HDC: variants seen among roughly 807,000 people sequenced by gnomAD.
HDC encodes the protein histidine decarboxylase.
HDC carries 27 observed loss-of-function variants against 64.4 expected under a neutral mutation model. The observed-to-expected ratio is 0.42, with a 90% CI of 0.31 to 0.58. The LOEUF is 0.58. Ranked by LOEUF, HDC falls within the 20% of genes least tolerant of loss-of-function variation. The pLI is 0.16. For synonymous variants in HDC, 305 were observed against 314.2 expected (o/e 0.97, Z 0.31); for missense variants, 711 against 833.9 (o/e 0.85, Z 1.81).
intron 9 of HDC, among the ~76,000 whole-genome samples, chr15:50,250,403 G>A (rs1208280771): frequency 6.6e-6 from 1 of 152,174 alleles, no homozygotes; most frequent in South Asian, 2.1e-4. Context: ...TAAGTGTAAG[G>A]CAGTGCCTTC....
intron 9 of HDC, among the ~76,000 whole-genome samples, chr15:50,252,108 C>T (rs899328974): frequency 6.6e-6 from 1 of 152,106 alleles, no homozygotes; most frequent in Non-Finnish European, 1.5e-5. Flanking sequence ...AAAAGATGAC[C>T]CGAGATGGAG....
chr15:50,249,167 G>A (rs901968766), intron 9 of HDC, among the ~76,000 whole-genome samples: 1 of 152,124 alleles, frequency 6.6e-6, no homozygotes, highest in African/African-American at 2.4e-5. Context: ...TTTGCTCCTG[G>A]TGGCCAAATT....
At chr15:50,262,623 T>G (rs1446147121) in intron 2 of HDC, among the ~76,000 whole-genome samples, 2 of 152,166 alleles carry the variant, frequency 1.3e-5, no homozygotes, top group Non-Finnish European at 2.9e-5. Context: ...TCATGGAAAG[T>G]ATCAATGATT....
Position 50,254,551 on chromosome 15 carries a change from G to A in HDC, c.555C>T (p.Leu185=), listed in dbSNP as rs777722897. 2.2e-5 allele frequency: 36 copies of A among 1,614,126 alleles called. No individual in the cohort carries two copies. The highest frequency in any genetic ancestry group is 2.9e-5 in the Non-Finnish European group (34 of 1,180,062). ...DADESCLNAR[L]VAYASDQAHS... ...TCACCTGGTCAGAGGCATAGGCCACGAGTCGGGCATTTAGGCAGGACTCAT... is the reference window on the plus strand; with the variant it reads ...TCACCTGGTCAGAGGCATAGGCCACAAGTCGGGCATTTAGGCAGGACTCAT... The change falls in exon 5 of 12, where the codon CTC becomes CTT. Residue 185 remains leucine, a synonymous_variant. Coordinates refer to ENST00000267845, the MANE Select transcript of HDC (RefSeq NM_002112.4).
At chr15:50,261,103 C>G (rs896484258) in intron 2 of HDC, among the ~76,000 whole-genome samples, 2 of 152,022 alleles carry the variant, frequency 1.3e-5, no homozygotes, top group Middle Eastern at 3.4e-3. Flanking sequence ...TTTGGAAACC[C>G]CAGAGAAGGG....
chr15:50,263,438 A>C (rs756198273), intron 1 of HDC, 31 bp from the exon 2 acceptor site: 1 of 1,608,766 alleles, frequency 6.2e-7, no homozygotes, highest in South Asian at 1.1e-5. Flanking sequence ...TCAGGCTGAA[A>C]TCCCCTGACT....
chr15:50,250,716 C>T (rs950917764), intron 9 of HDC, among the ~76,000 whole-genome samples: 4 of 152,192 alleles, frequency 2.6e-5, no homozygotes, highest in Non-Finnish European at 5.9e-5. Flanking sequence ...ATATCTGACC[C>T]TTGGGCTGTT....
Position 50,250,419 on chromosome 15 carries a change from G to A in HDC, c.1041+2011C>T, listed in dbSNP as rs545009791. 4.6e-5 allele frequency among the ~76,000 whole-genome samples: 7 copies of A among 152,256 alleles called. No homozygotes were observed. The South Asian group carries it at 1.5e-3, about 32-fold the overall frequency. On this transcript the variant is annotated intron_variant, in intron 9 of 11. Coordinates refer to ENST00000267845, the MANE Select transcript of HDC (RefSeq NM_002112.4). ...AAGTGTAAGGCAGTGCCTTCTGGGT[G>A]GAGAGGTAAAAATAATAAGGTTCCC...
Position 50,257,450 on chromosome 15 carries a change from C to A in HDC, c.416G>T (p.Ser139Ile). The A allele has an allele frequency of 6.2e-7, 1 of 1,614,234 alleles. No homozygotes were observed. Residue 139 changes from serine to isoleucine, a missense_variant, in exon 4 of 12, where the codon AGC (serine) becomes ATC (isoleucine). Around this residue, in one of 3 missense-constraint regions of HDC, gnomAD observed 225 missense variants for 276.2 expected, o/e 0.81. Transcript: ENST00000267845. ...LPEHFLHHHP[S>I]SQGGGVLQST... ...CTGCAGGACGCCTCCGCCCTGGCTGCTGGGGTGGTGGTGCAAGAAGTGCTC... is the reference window on the plus strand; with the variant it reads ...CTGCAGGACGCCTCCGCCCTGGCTGATGGGGTGGTGGTGCAAGAAGTGCTC...
intron 10 of HDC, among the ~76,000 whole-genome samples, chr15:50,247,080 T>G (rs996296801): frequency 2.6e-5 from 4 of 152,148 alleles, no homozygotes; most frequent in African/African-American, 9.7e-5. Flanking sequence ...AGAATGATGG[T>G]TGGCAGAGGC....
At chr15:50,250,199 G>A (rs2045536305) in intron 9 of HDC, among the ~76,000 whole-genome samples, 1 of 152,226 alleles carries the variant, frequency 6.6e-6, no homozygotes. Flanking sequence ...ATGCTGCCCT[G>A]TTTCTGGCTC....
intron 10 of HDC, among the ~76,000 whole-genome samples, chr15:50,244,210 GC>G (rs1241365343): frequency 6.6e-6 from 1 of 150,410 alleles, no homozygotes; most frequent in Non-Finnish European, 1.5e-5. Flanking sequence ...TAAAATATTT[GC>G]TAAGTAATTC....
At chr15:50,253,887 A>C in intron 6 of HDC, 1 of 640,724 alleles carries the variant, frequency 1.6e-6, no homozygotes, top group East Asian at 2.7e-5. Context: ...ATAAAACAAT[A>C]CATACTCTGG....
chr15:50,242,189 T>G lies in HDC; in HGVS notation c.*71A>C. The G allele has an allele frequency of 7.9e-7, 1 of 1,264,404 alleles. No homozygotes were observed. Among genetic ancestry groups the G allele is most frequent in the South Asian group, 1.2e-5 (1 of 83,766 alleles). 78.3% of individuals were successfully genotyped at this position (1,264,404 alleles called of 1,614,324 possible). A position where few individuals can be genotyped will look rare whatever the true frequency, so the allele number is the denominator to read the frequency against. On this transcript the variant is annotated 3_prime_UTR_variant, in exon 12 of 12. Transcript: ENST00000267845. ...GCATGTACACATAAGCACACAAAGT[T>G]GGCATACAATTGTGAGGGGTTCACA...
At position 50,254,584 on chromosome 15, in the gene HDC, G is replaced by A. The variant is rs199889175; in HGVS notation, c.522C>T (p.Pro174=). ...CATTTAGGCAGGACTCATCAGCATC[G>A]GGCTCAGACGTTTTCATTTCCAGGA... The part of the protein sequence containing the change: ...NKILEMKTSE[P]DADESCLNAR... The change falls in exon 5 of 12, where the codon CCC becomes CCT. Residue 174 remains proline (P), a synonymous_variant. Transcript: ENST00000267845. The A allele has an allele frequency of 5.0e-4, 812 of 1,614,054 alleles. No homozygotes were observed. Among genetic ancestry groups the A allele is most frequent in the South Asian group, 7.8e-4 (71 of 91,086 alleles).
At chr15:50,254,021 G>A in intron 6 of HDC, 109 bp downstream of exon 6, 1 of 1,142,314 alleles carries the variant, frequency 8.8e-7, no homozygotes, top group Non-Finnish European at 1.3e-6. Flanking sequence ...CTGTATGGGA[G>A]GACCTTTCTG....
In HDC at chr15:50,242,827, G is replaced by C. The variant is rs2045418978; in HGVS notation, c.1422C>G (p.Ile474Met). 2 of 1,613,964 alleles carry C rather than the reference G, an allele frequency of 1.2e-6. No homozygotes were observed. The highest frequency in any genetic ancestry group is 2.7e-5 in the African/African-American group (2 of 75,036). The change falls in exon 12 of 12, where the codon ATC becomes ATG. Residue 474 changes from isoleucine (I) to methionine (M), a missense_variant. By Grantham distance (10) the Ile-to-Met change is conservative. This residue lies in a region of HDC where 483 missense variants were observed against 540.9 expected (regional missense o/e 0.89). Transcript: ENST00000267845. ...WNLIRDAATLILSQHCTSQPS... is the reference protein window; with the variant it reads ...WNLIRDAATLMLSQHCTSQPS... Reference sequence around the variant, plus strand: ...GTTGGGAAGTACAGTGCTGACTCAGGATGAGAGTGGCAGCATCTCGAATGA... The same window carrying C: ...GTTGGGAAGTACAGTGCTGACTCAGCATGAGAGTGGCAGCATCTCGAATGA...
At chr15:50,253,046 G>T (rs973733719) in intron 7 of HDC, 3 of 524,732 alleles carry the variant, frequency 5.7e-6, no homozygotes, top group African/African-American at 1.9e-5. Flanking sequence ...CCTCAGCCTA[G>T]AACATCCTGG....
In HDC at chr15:50,242,883, T is replaced by C. The variant is rs1383214831; in HGVS notation, c.1366A>G (p.Thr456Ala). 6 of 1,614,088 alleles carry C rather than the reference T, an allele frequency of 3.7e-6. No homozygotes were observed. In the South Asian group the frequency reaches 5.5e-5, roughly 15 times the overall value. Residue 456 changes from threonine to alanine, a missense_variant, in exon 12 of 12, where the codon ACT becomes GCT. By Grantham distance (58) the Thr-to-Ala change is moderately conservative. This residue lies in a region of HDC where 483 missense variants were observed against 540.9 expected (regional missense o/e 0.89). Transcript: ENST00000267845. ...CAGTCTCTCAGGATGTCATCCCTAGTGGTAAACTGGGATGTCACAGTGAAA... is the reference window on the plus strand; with the variant it reads ...CAGTCTCTCAGGATGTCATCCCTAGCGGTAAACTGGGATGTCACAGTGAAA... ...IRFTVTSQFTTRDDILRDWNL... is the reference protein window; with the variant it reads ...IRFTVTSQFTARDDILRDWNL...
Sources: allele counts gnomAD v4.1 joint callset (sites outside exome capture counted in the v4.1 genomes callset), GRCh38; gene constraint gnomAD v4.1.1; regional missense constraint gnomAD v4.1.1; transcripts MANE v1.5; gene names NCBI Gene and HGNC (gene_info 2026-07-23, HGNC 2026-07-21).